The following PRKN variants were observed in gnomAD, a reference collection of about 807,000 sequenced individuals.
The protein encoded by PRKN is parkin RBR E3 ubiquitin protein ligase.
Under a neutral mutation model 59.5 loss-of-function variants are expected in PRKN, and 56 were observed. The ratio of observed to expected loss-of-function variants is 0.94; its 90% CI spans 0.76 to 1.18. PRKN has a LOEUF of 1.18. PRKN is among the 50% of genes most tolerant of loss of function. PRKN has a pLI of 0.00. For missense variants in PRKN, 657 were observed against 596.4 expected (o/e 1.10, Z -1.06); for synonymous variants, 250 against 222.1 (o/e 1.13, Z -1.12).
intron 7 of PRKN, among the ~76,000 whole-genome samples, chr6:161,645,998 A>G (rs113453646): frequency 0.043 from 4,051 of 94,202 alleles, 101 homozygotes; most frequent in Middle Eastern, 0.071. Flanking sequence ...TGCGTGGCGG[A>G]GGAGGTGGCG....
chr6:162,553,142 A>G (rs1779397174), intron 1 of PRKN, among the ~76,000 whole-genome samples: 1 of 152,142 alleles, frequency 6.6e-6, no homozygotes, highest in South Asian at 2.1e-4. Context: ...CACAATGTGC[A>G]TTGGGGAAAT....
chr6:161,429,645 C>T lies in PRKN; in HGVS notation c.1084-42768G>A, dbSNP rs1788552998. 1.3e-5 allele frequency among the ~76,000 whole-genome samples: 2 copies of T among 152,004 alleles called. No individual in the cohort carries two copies. Among genetic ancestry groups the T allele is most frequent in the Non-Finnish European group, 2.9e-5 (2 of 68,008 alleles). ...GATGGCTGCTGGTTTCAGGTTTGGG[C>T]CACAAGTAGATCAATGAAGAAAGAG... is the stretch of plus-strand genomic sequence containing the variant. On this transcript the variant is annotated intron_variant, in intron 9 of 11. Coordinates refer to ENST00000366898, the MANE Select transcript of PRKN (RefSeq NM_004562.3). This position sits in a 1 kb window ranked among gnomAD's most constrained non-coding sequence, Gnocchi z 4.2.
rs373871165 is a variant in PRKN at position 162,414,709 on chromosome 6, T to TGAAAAAAAAAAAAA, written c.171+28600_171+28601insTTTTTTTTTTTTTC. Among the ~76,000 whole-genome samples, 333 of 44,496 alleles carry TGAAAAAAAAAAAAA rather than the reference T, an allele frequency of 7.5e-3. 70 individuals carry two copies. The highest frequency in any genetic ancestry group is 0.024 in the African/African-American group (150 of 6,316). The allele number at this position is 44,496 out of a possible 152,430, so 29.2% of individuals were successfully genotyped here. On this transcript the variant is annotated intron_variant, in intron 2 of 11. Transcript: ENST00000366898. ...CTGGTCAACTGAGCAAGACTCCGTC[T>TGAAAAAAAAAAAAA]CAAAAAAAAAAAAAAAAAGTGAATC...
At chr6:161,623,053 G>A (rs1582905064) in intron 7 of PRKN, among the ~76,000 whole-genome samples, 1 of 152,094 alleles carries the variant, frequency 6.6e-6, no homozygotes, top group East Asian at 1.9e-4. Flanking sequence ...ACAATAGATT[G>A]CATGAGCCCC....
chr6:162,648,969 C>A (rs1286520438), intron 1 of PRKN, among the ~76,000 whole-genome samples: 1 of 152,164 alleles, frequency 6.6e-6, no homozygotes, highest in Non-Finnish European at 1.5e-5. Flanking sequence ...GCAAAAACCA[C>A]GTTTCTTGAA....
chr6:162,479,749 A>G (rs892549446), intron 1 of PRKN, among the ~76,000 whole-genome samples: 8 of 115,436 alleles, frequency 6.9e-5, no homozygotes, highest in Non-Finnish European at 1.3e-4. Flanking sequence ...GCTGTTTTAC[A>G]GTTATCTGTT....
At chr6:162,289,712 GA>G (rs1781341481) in intron 2 of PRKN, among the ~76,000 whole-genome samples, 1 of 150,992 alleles carries the variant, frequency 6.6e-6, no homozygotes, top group Non-Finnish European at 1.5e-5. Flanking sequence ...ATTTTTTGAA[GA>G]ACACAATTCA....
chr6:162,701,113 G>A (rs533706461), intron 1 of PRKN, among the ~76,000 whole-genome samples: 1 of 152,176 alleles, frequency 6.6e-6, no homozygotes, highest in Admixed American at 6.5e-5. Flanking sequence ...ATTAAAATCT[G>A]AGGACTAATG....
At position 161,744,970 on chromosome 6, in the gene PRKN, C is replaced by T. The variant is rs73783386; in HGVS notation, c.871+40802G>A. Among the ~76,000 whole-genome samples, 1,234 of 152,240 alleles carry T rather than the reference C, an allele frequency of 8.1e-3. 24 individuals are homozygous for T. The highest frequency in any genetic ancestry group is 0.028 in the African/African-American group (1,172 of 41,542). ...AAAAGGTCAATATTAGCGTTATGTC[C>T]ACTTGGTAGATGAGAAAGCAGAGGT... On this transcript the variant is annotated intron_variant, in intron 7 of 11. Transcript: ENST00000366898.
At chr6:162,007,503 A>G (rs1233821494) in intron 5 of PRKN, among the ~76,000 whole-genome samples, 1 of 152,124 alleles carries the variant, frequency 6.6e-6, no homozygotes, top group African/African-American at 2.4e-5. Flanking sequence ...AAAATGAAAA[A>G]CCAAGCTTAA....
intron 6 of PRKN, among the ~76,000 whole-genome samples, chr6:161,968,737 T>A (rs1308791851): frequency 6.6e-6 from 1 of 152,176 alleles, no homozygotes; most frequent in Admixed American, 6.5e-5. Flanking sequence ...TTTTTAAGTC[T>A]GTAATTATGA....
At chr6:162,124,995 T>TG (rs918994298) in intron 4 of PRKN, among the ~76,000 whole-genome samples, 28 of 152,282 alleles carry the variant, frequency 1.8e-4, no homozygotes, top group African/African-American at 5.3e-4. Context: ...GGGTCAGTGG[T>TG]GCCAAATGCT....
chr6:162,201,738 T>C (rs1244804838), intron 3 of PRKN, among the ~76,000 whole-genome samples: 1 of 152,074 alleles, frequency 6.6e-6, no homozygotes, highest in Non-Finnish European at 1.5e-5. Flanking sequence ...GCTTCTAGGG[T>C]TGACTTTCTA....
chr6:162,220,474 C>A (rs149805754), intron 3 of PRKN, among the ~76,000 whole-genome samples: 1 of 152,024 alleles, frequency 6.6e-6, no homozygotes, highest in African/African-American at 2.4e-5. Context: ...TCAACATAAA[C>A]GTAAAAGAGT....
At chr6:162,712,552 G>A (rs1470701586) in intron 1 of PRKN, among the ~76,000 whole-genome samples, 1 of 152,168 alleles carries the variant, frequency 6.6e-6, no homozygotes, top group Non-Finnish European at 1.5e-5. Context: ...GCCATACTAT[G>A]AGTAATAAAG....
Position 161,739,116 on chromosome 6 carries a change from G to C in PRKN, c.871+46656C>G, listed in dbSNP as rs565670602. On this transcript the variant is annotated intron_variant, in intron 7 of 11. Coordinates refer to ENST00000366898, the MANE Select transcript of PRKN (RefSeq NM_004562.3). ...TTCTCCATTGTATATTAAGTGGAGA[G>C]GGGCAGGGCGGCCAGGTGCAGTGGC... Among the ~76,000 whole-genome samples the C allele has an allele frequency of 2.0e-5, 3 of 152,210 alleles. No individual in the cohort carries two copies. The East Asian group carries it at 5.8e-4, about 30-fold the overall frequency.
chr6:162,611,077 A>C (rs1203533113), intron 1 of PRKN, among the ~76,000 whole-genome samples: 1 of 152,180 alleles, frequency 6.6e-6, no homozygotes, highest in Non-Finnish European at 1.5e-5. Context: ...CACTGGAGAA[A>C]TAATGTGTTG....
At chr6:162,699,290 A>G (rs1044589995) in intron 1 of PRKN, among the ~76,000 whole-genome samples, 6 of 152,206 alleles carry the variant, frequency 3.9e-5, no homozygotes, top group Non-Finnish European at 8.8e-5. Flanking sequence ...CTAACAAGAA[A>G]AAATTAATCC....
chr6:162,435,840 G>T (rs1238524946), intron 2 of PRKN, among the ~76,000 whole-genome samples: 1 of 152,028 alleles, frequency 6.6e-6, no homozygotes, highest in Non-Finnish European at 1.5e-5. Flanking sequence ...TGGGTATAAT[G>T]GTATTGAGCC....
Sources: allele counts gnomAD v4.1 joint callset (sites outside exome capture counted in the v4.1 genomes callset), GRCh38; gene constraint gnomAD v4.1.1; non-coding constraint Gnocchi (gnomAD v3.1); transcripts MANE v1.5; gene names NCBI Gene and HGNC (gene_info 2026-07-23, HGNC 2026-07-21).